STAG2: variants seen among roughly 807,000 people sequenced by gnomAD.
STAG2 encodes cohesin subunit SA-2.
Under a neutral mutation model 108.1 loss-of-function variants are expected in STAG2, and 14 were observed. The observed-to-expected ratio is 0.13, with a 90% CI of 0.09 to 0.20. The LOEUF (loss-of-function observed/expected upper bound fraction) is 0.20. Ranked by LOEUF, STAG2 falls within the 10% of genes least tolerant of loss-of-function variation. The pLI is 1.00. For missense variants in STAG2, 440 were observed against 940.9 expected (o/e 0.47, Z 6.96); for synonymous variants, 307 against 302.7 (o/e 1.01, Z -0.15).
At chrX:124,057,770 T>G (rs2058248754) in intron 14 of STAG2, 96 bp from the exon 15 acceptor site, 1 of 500,799 alleles carries the variant, frequency 2.0e-6, no homozygotes, top group South Asian at 4.8e-5. Context: ...TACTCCTTTG[T>G]TAGATCCTTA....
At chrX:124,019,211 C>T (rs890493322) in intron 1 of STAG2, among the ~76,000 whole-genome samples, 2 of 109,095 alleles carry the variant, frequency 1.8e-5, no homozygotes, top group East Asian at 5.8e-4. Flanking sequence ...CAGGCGCCTG[C>T]CACCACGCCT....
chrX:124,015,154 A>AT (rs1192573535), intron 1 of STAG2, among the ~76,000 whole-genome samples: 1 of 104,710 alleles, frequency 9.6e-6, no homozygotes, highest in African/African-American at 3.5e-5. Flanking sequence ...AGTCCGGCTA[A>AT]TTTTTTGTTG....
intron 20 of STAG2, among the ~76,000 whole-genome samples, chrX:124,064,940 C>T (rs1048808400): frequency 1.8e-5 from 2 of 111,215 alleles, no homozygotes; most frequent in African/African-American, 6.5e-5. Context: ...AATAAAAATT[C>T]ATAATTGTCA....
At chrX:124,073,083 A>C (rs1468316287) in intron 25 of STAG2, among the ~76,000 whole-genome samples, 1 of 108,948 alleles carries the variant, frequency 9.2e-6, no homozygotes, top group Non-Finnish European at 1.9e-5. Context: ...GGCATGTACA[A>C]AGTGTTGTGG....
chrX:124,029,226 C>T (rs2057251923), intron 4 of STAG2, among the ~76,000 whole-genome samples: 1 of 107,809 alleles, frequency 9.3e-6, no homozygotes, highest in Admixed American at 1.0e-4. Flanking sequence ...ACCGTGTTAG[C>T]CAGGATGGTC....
intron 34 of STAG2, among the ~76,000 whole-genome samples, chrX:124,096,559 A>C (rs930316305): frequency 2.7e-5 from 3 of 111,455 alleles, no homozygotes; most frequent in Non-Finnish European, 5.7e-5. Flanking sequence ...AGGATATTAC[A>C]TGCCCTGGTC....
intron 4 of STAG2, among the ~76,000 whole-genome samples, chrX:124,026,998 A>G (rs996084796): frequency 1.4e-4 from 16 of 111,950 alleles, no homozygotes; most frequent in Non-Finnish European, 2.8e-4. Flanking sequence ...CTCTTGGGCT[A>G]AAGCAATTAT....
intron 1 of STAG2, among the ~76,000 whole-genome samples, chrX:124,013,546 C>G (rs2056598775): frequency 8.9e-6 from 1 of 111,982 alleles, no homozygotes; most frequent in Non-Finnish European, 1.9e-5. Context: ...CAGATAATGT[C>G]TAGTCAGCTG....
chrX:124,102,334 CTTTGT>C lies in STAG2; in HGVS notation c.*1738_*1742del, dbSNP rs1171597326. The C allele has an allele frequency of 1.3e-4, 21 of 157,435 alleles. No homozygotes were observed. Among genetic ancestry groups the C allele is most frequent in the Middle Eastern group, 2.1e-3 (1 of 485 alleles). The allele number at this position is 157,435 out of a possible 1,213,427, so 13.0% of individuals were successfully genotyped here. A position where few individuals can be genotyped will look rare whatever the true frequency, so the allele number is the denominator to read the frequency against. On this transcript the variant is annotated 3_prime_UTR_variant, in exon 35 of 35. Transcript: ENST00000371145. The stretch of plus-strand genomic sequence containing the variant: ...TTTCTCACTCTTGAAAGGAGTACTT[CTTTGT>C]GAAAGCAGTTCTTACAGCTTTGTTT...
chrX:124,047,585 C>T, intron 9 of STAG2, 80 bp downstream of exon 9: 2 of 821,002 alleles, frequency 2.4e-6, no homozygotes, highest in Non-Finnish European at 1.7e-6. Flanking sequence ...TTGCTAGTGG[C>T]TCAGATAATT....
At position 124,051,364 on chromosome X, in the gene STAG2, A is replaced by G. The variant is rs2058032945; in HGVS notation, c.1166A>G (p.Gln389Arg). 3 of 1,201,563 alleles carry G rather than the reference A, an allele frequency of 2.5e-6. No individual in the cohort carries two copies. Among genetic ancestry groups the G allele is most frequent in the Non-Finnish European group, 3.4e-6 (3 of 889,073 alleles). ...TLDKEYDVAV[Q>R]AIKLLTLVLQ... ...GACAAAGAATATGATGTTGCAGTACAAGCAATAAAATTACTCACTCTTGTT... is the reference window on the plus strand; with the variant it reads ...GACAAAGAATATGATGTTGCAGTACGAGCAATAAAATTACTCACTCTTGTT... Residue 389 changes from glutamine (Q) to arginine (R), a missense_variant, in exon 13 of 35, where the codon CAA (glutamine) becomes CGA (arginine). Coordinates refer to ENST00000371145, the MANE Select transcript of STAG2 (RefSeq NM_001042750.2).
Position 124,051,099 on chromosome X carries a change from CTT to C in STAG2, c.1018-4_1018-3del, listed in dbSNP as rs747648873. 0.035 allele frequency: 17,120 copies of C among 490,579 alleles called. 6 individuals are homozygous for C. The highest frequency in any genetic ancestry group is 0.041 in the East Asian group (895 of 22,083). The allele number at this position is 490,579 out of a possible 1,213,427, so 40.4% of individuals were successfully genotyped here. A position where few individuals can be genotyped will look rare whatever the true frequency, so the allele number is the denominator to read the frequency against. On this transcript the variant is annotated intron_variant, in intron 11 of 34. Transcript: ENST00000371145. ...ATAGAGTTTTAATGCATTGTCTCAT[CTT>C]TTTTTTTTTTTTTTTTTAGCAAGGT...
chrX:124,085,077 A>G (rs898756362), intron 29 of STAG2, among the ~76,000 whole-genome samples: 2 of 112,340 alleles, frequency 1.8e-5, no homozygotes, highest in Non-Finnish European at 3.8e-5. Context: ...TAACCTAAAC[A>G]TCCATCAACT....
intron 25 of STAG2, among the ~76,000 whole-genome samples, chrX:124,072,570 A>G (rs2058689733): frequency 1.8e-5 from 2 of 111,029 alleles, no homozygotes; most frequent in Non-Finnish European, 3.8e-5. Context: ...GATTTGACAA[A>G]CATTTATTGG....
chrX:124,034,869 GTTGTTGTTGTTA>G (rs1341518490), intron 5 of STAG2, among the ~76,000 whole-genome samples: 1 of 84,725 alleles, frequency 1.2e-5, no homozygotes, highest in African/African-American at 3.8e-5. Context: ...TGTTGTTGTT[GTTGTTGTTGTTA>G]TTATTATTAT....
intron 1 of STAG2, among the ~76,000 whole-genome samples, chrX:124,009,446 G>GGT (rs1465492383): frequency 7.7e-4 from 73 of 94,489 alleles, no homozygotes; most frequent in African/African-American, 2.5e-3. Flanking sequence ...TAGGTAGGTA[G>GGT]ATAGATAGAT....
At chrX:123,979,777 T>C (rs1356282158) in intron 1 of STAG2, among the ~76,000 whole-genome samples, 1 of 111,621 alleles carries the variant, frequency 9.0e-6, no homozygotes, top group Non-Finnish European at 1.9e-5. Flanking sequence ...CCAAAGATTC[T>C]TTGAGTGACC....
chrX:124,018,499 T>C (rs1173872673), intron 1 of STAG2, among the ~76,000 whole-genome samples: 1 of 110,228 alleles, frequency 9.1e-6, no homozygotes, highest in Admixed American at 9.7e-5. Context: ...GACGGACGGA[T>C]GGATGGATAG....
rs780223369 is a variant in STAG2, at chrX:124,056,146, C to T, written c.1215C>T (p.Leu405=). Residue 405 remains leucine (L), a synonymous_variant, in exon 14 of 35, where the codon CTC becomes CTT. Coordinates refer to ENST00000371145, the MANE Select transcript of STAG2 (RefSeq NM_001042750.2). ...TLVLQSSEEV[L]TAEDCENVYH... ...TTCTTAGGAGTAGTGAAGAAGTTCT[C>T]ACTGCAGAAGATTGTGAAAATGTCT... 2 of 1,202,240 alleles carry T rather than the reference C, an allele frequency of 1.7e-6. No individual in the cohort carries two copies. The highest frequency in any genetic ancestry group is 6.0e-5 in the East Asian group (2 of 33,567).
Sources: gnomAD v4.1 joint callset for allele counts (sites outside exome capture counted in the v4.1 genomes callset) on GRCh38, gnomAD v4.1.1 for gene constraint, MANE v1.5 for transcripts, NCBI Gene and HGNC (gene_info 2026-07-23, HGNC 2026-07-21) for gene names.